The following FBXO8 variants were observed in gnomAD, a reference collection of about 807,000 sequenced individuals.
FBXO8 encodes F-box only protein 8.
A neutral mutation model predicts 33.4 loss-of-function variants in FBXO8; 15 were observed. That is an observed-to-expected ratio of 0.45 (90% CI 0.30 to 0.69). The LOEUF is 0.69. Among genes scored for constraint, FBXO8 ranks in the 30% least tolerant of loss-of-function variants. The probability of loss-of-function intolerance (pLI) is 0.08; values close to 1 mark genes in which losing one functional copy is unlikely to be tolerated. For synonymous variants in FBXO8, 132 were observed against 131.5 expected (o/e 1.00, Z -0.02); for missense variants, 274 against 380.3 (o/e 0.72, Z 2.32).
At chr4:174,240,427 T>C (rs1736005857) in intron 4 of FBXO8, among the ~76,000 whole-genome samples, 1 of 151,810 alleles carries the variant, frequency 6.6e-6, no homozygotes, top group African/African-American at 2.4e-5. Flanking sequence ...TAAACTATTT[T>C]TAAGCCATAC....
rs1282143126 is a variant in FBXO8, at chr4:174,254,035, G to A, written c.456+5664C>T. On this transcript the variant is annotated intron_variant, in intron 3 of 5. Transcript: ENST00000393674. This position sits in a 1 kb window ranked among gnomAD's most constrained non-coding sequence, Gnocchi z 4.2. ...AAGTAAACAAATGTAAAGGGTTTAA[G>A]TCACAGTTTAGGTTCTCTGTTCCTT... Among the ~76,000 whole-genome samples the A allele has an allele frequency of 6.6e-6, 1 of 152,184 alleles. No individual in the cohort carries two copies. The highest frequency in any genetic ancestry group is 1.5e-5 in the Non-Finnish European group (1 of 68,036).
At chr4:174,276,183 A>G (rs1736956443) in intron 1 of FBXO8, among the ~76,000 whole-genome samples, 1 of 152,180 alleles carries the variant, frequency 6.6e-6, no homozygotes, top group African/African-American at 2.4e-5. Context: ...AAATAACAAT[A>G]GCAATATTAA....
rs1736135380 is a variant in FBXO8, at chr4:174,245,287, T to A, written c.457-4069A>T. On this transcript the variant is annotated intron_variant, in intron 3 of 5. Transcript: ENST00000393674. This position sits in a 1 kb window ranked among gnomAD's most constrained non-coding sequence, Gnocchi z 4.6. ...GAAAAGTAAGTGTTTCAGAGTTCAATGAAAGGAAAAGTCACTATGGGATAG... is the reference window on the plus strand; with the variant it reads ...GAAAAGTAAGTGTTTCAGAGTTCAAAGAAAGGAAAAGTCACTATGGGATAG... Among the ~76,000 whole-genome samples the A allele has an allele frequency of 6.6e-6, 1 of 151,726 alleles. No individual in the cohort carries two copies. Among genetic ancestry groups the A allele is most frequent in the Non-Finnish European group, 1.5e-5 (1 of 67,784 alleles).
At chr4:174,280,150 A>G (rs1239115594) in intron 1 of FBXO8, among the ~76,000 whole-genome samples, 1 of 152,172 alleles carries the variant, frequency 6.6e-6, no homozygotes, top group Non-Finnish European at 1.5e-5. Flanking sequence ...CAACAATAAC[A>G]AAAACATGAT....
intron 5 of FBXO8, among the ~76,000 whole-genome samples, chr4:174,238,017 A>C (rs553980263): frequency 1.3e-5 from 2 of 152,176 alleles, no homozygotes; most frequent in African/African-American, 4.8e-5. Flanking sequence ...TCTTTCTAAA[A>C]AAAAATTTAT....
At position 174,249,236 on chromosome 4, in the gene FBXO8, T is replaced by C. The variant is rs185947426; in HGVS notation, c.457-8018A>G. ...TAAATGTAACAATCATTATTGTAAT[T>C]ATTATCAAAAAAGTTGCTGCTAGTT... On this transcript the variant is annotated intron_variant, in intron 3 of 5. Coordinates refer to ENST00000393674, the MANE Select transcript of FBXO8 (RefSeq NM_012180.3). 1.7e-3 allele frequency among the ~76,000 whole-genome samples: 264 copies of C among 152,134 alleles called. 2 individuals carry two copies. The highest frequency in any genetic ancestry group is 5.8e-3 in the African/African-American group (242 of 41,538).
rs148631457 is a variant in FBXO8 at position 174,240,506 on chromosome 4, C to T, written c.575+594G>A. Among the ~76,000 whole-genome samples the T allele has an allele frequency of 6.2e-3, 935 of 151,674 alleles. 10 individuals carry two copies. Among genetic ancestry groups the T allele is most frequent in the African/African-American group, 0.022 (897 of 41,444 alleles). ...GTTATGTGGCATCAAAATGTTGTCC[C>T]CAAATTTATGTTCTTTAATAATCAA... is the stretch of plus-strand genomic sequence containing the variant. On this transcript the variant is annotated intron_variant, in intron 4 of 5. Coordinates refer to ENST00000393674, the MANE Select transcript of FBXO8 (RefSeq NM_012180.3).
rs776610940 is a variant in FBXO8 at position 174,253,591 on chromosome 4, C to T, written c.456+6108G>A. Among the ~76,000 whole-genome samples, 13 of 152,240 alleles carry T rather than the reference C, an allele frequency of 8.5e-5. No individual in the cohort carries two copies. Among genetic ancestry groups the T allele is most frequent in the South Asian group, 2.1e-4 (1 of 4,816 alleles). On this transcript the variant is annotated intron_variant, in intron 3 of 5. Coordinates refer to ENST00000393674, the MANE Select transcript of FBXO8 (RefSeq NM_012180.3). This position sits in a 1 kb window ranked among gnomAD's most constrained non-coding sequence, Gnocchi z 4.5. ...TTAAGTGTATCACTAGTTAAAATGG[C>T]GTTACAGATGCTTGGATGCCTTAAC...
At chr4:174,260,341 T>C (rs1736524033) in intron 2 of FBXO8, among the ~76,000 whole-genome samples, 1 of 152,018 alleles carries the variant, frequency 6.6e-6, no homozygotes, top group African/African-American at 2.4e-5. Context: ...TAAATAGGGT[T>C]TATTAACTAA....
rs1048017605 is a variant in FBXO8 at position 174,241,604 on chromosome 4, A to G, written c.457-386T>C. Among the ~76,000 whole-genome samples, 2 of 151,580 alleles carry G rather than the reference A, an allele frequency of 1.3e-5. No homozygotes were observed. Among genetic ancestry groups the G allele is most frequent in the Non-Finnish European group, 3.0e-5 (2 of 67,578 alleles). On this transcript the variant is annotated intron_variant, in intron 3 of 5. Coordinates refer to ENST00000393674, the MANE Select transcript of FBXO8 (RefSeq NM_012180.3). The surrounding 1 kb of genome is among the most constrained non-coding windows in gnomAD (Gnocchi z 4.2). Reference sequence around the variant, plus strand: ...TCTAATACAAAACATGATTTCTTAAAGCTCACATATATATTGCAGTATGCC... The same window carrying G: ...TCTAATACAAAACATGATTTCTTAAGGCTCACATATATATTGCAGTATGCC...
chr4:174,262,713 C>A lies in FBXO8; in HGVS notation c.329+51G>T. ...ATACATTATAAAAAGAACATTGAAG[C>A]ATGATTATGTTTAGAGATACCTGAA... On this transcript the variant is annotated intron_variant, in intron 2 of 5. Transcript: ENST00000393674. This position sits in a 1 kb window ranked among gnomAD's most constrained non-coding sequence, Gnocchi z 4.6. 6.8e-7 allele frequency: 1 copy of A among 1,464,772 alleles called. No homozygotes were observed. Among genetic ancestry groups the A allele is most frequent in the Non-Finnish European group, 9.5e-7 (1 of 1,057,038 alleles). The allele number at this position is 1,464,772 out of a possible 1,614,324, so 90.7% of individuals were successfully genotyped here.
At chr4:174,268,737 G>A (rs1209203369) in intron 1 of FBXO8, among the ~76,000 whole-genome samples, 2 of 152,016 alleles carry the variant, frequency 1.3e-5, no homozygotes, top group African/African-American at 2.4e-5. Context: ...CGCCCGGCCG[G>A]GGGCCGTTTT....
In FBXO8 at chr4:174,251,687, T is replaced by C. The variant is rs1560868401; in HGVS notation, c.456+8012A>G. On this transcript the variant is annotated intron_variant, in intron 3 of 5. Coordinates refer to ENST00000393674, the MANE Select transcript of FBXO8 (RefSeq NM_012180.3). This position sits in a 1 kb window ranked among gnomAD's most constrained non-coding sequence, Gnocchi z 4.2. ...CTCCAGTTTAGCACCATTTGACTAATTGTAGCTAGTCGCTTGAAGGTATTA... is the reference window on the plus strand; with the variant it reads ...CTCCAGTTTAGCACCATTTGACTAACTGTAGCTAGTCGCTTGAAGGTATTA... Among the ~76,000 whole-genome samples the C allele has an allele frequency of 1.3e-5, 2 of 152,146 alleles. No individual in the cohort carries two copies. Among genetic ancestry groups the C allele is most frequent in the Admixed American group, 6.5e-5 (1 of 15,272 alleles).
intron 5 of FBXO8, 35 bp downstream of exon 5, chr4:174,238,959 A>AG: frequency 2.4e-6 from 3 of 1,255,716 alleles, no homozygotes; most frequent in Non-Finnish European, 3.2e-6. Context: ...AAAGATGGGC[A>AG]GGGGGTGATG....
intron 5 of FBXO8, among the ~76,000 whole-genome samples, chr4:174,238,052 T>A (rs1431292415): frequency 6.6e-6 from 1 of 152,026 alleles, no homozygotes; most frequent in African/African-American, 2.4e-5. Flanking sequence ...TAAAAACCTA[T>A]TTTAATTTGA....
At position 174,272,460 on chromosome 4, in the gene FBXO8, C is replaced by T. The variant is rs1324513462; in HGVS notation, c.-8-9360G>A. On this transcript the variant is annotated intron_variant, in intron 1 of 5. Coordinates refer to ENST00000393674, the MANE Select transcript of FBXO8 (RefSeq NM_012180.3). This position sits in a 1 kb window ranked among gnomAD's most constrained non-coding sequence, Gnocchi z 4.7. Reference sequence around the variant, plus strand: ...CTTTCTATTTTTTTCCAAATAGTTTCAATTGTGGTTGGATGACACTGGATG... The same window carrying T: ...CTTTCTATTTTTTTCCAAATAGTTTTAATTGTGGTTGGATGACACTGGATG... 1.3e-5 allele frequency among the ~76,000 whole-genome samples: 2 copies of T among 152,062 alleles called. No individual in the cohort carries two copies. Among genetic ancestry groups the T allele is most frequent in the Admixed American group, 6.5e-5 (1 of 15,274 alleles).
intron 1 of FBXO8, chr4:174,269,015 A>T (rs1447964172): frequency 6.6e-6 from 1 of 152,258 alleles, no homozygotes; most frequent in Admixed American, 6.5e-5. Context: ...TAAATAATGA[A>T]GATCAACTGT....
chr4:174,279,470 TATA>T (rs1737025597), intron 1 of FBXO8, among the ~76,000 whole-genome samples: 1 of 152,062 alleles, frequency 6.6e-6, no homozygotes, highest in Non-Finnish European at 1.5e-5. Flanking sequence ...CTGCCAAAAT[TATA>T]ATGACGTTTT....
intron 1 of FBXO8, among the ~76,000 whole-genome samples, chr4:174,269,679 A>G (rs4695774): frequency 0.41 from 41,291 of 100,386 alleles, 6,195 homozygotes; most frequent in Non-Finnish European, 0.5. Context: ...GACTCGTCTC[A>G]AAAAAAAAAA....
Sources: allele counts gnomAD v4.1 joint callset (sites outside exome capture counted in the v4.1 genomes callset), GRCh38; gene constraint gnomAD v4.1.1; non-coding constraint Gnocchi (gnomAD v3.1); transcripts MANE v1.5; gene names NCBI Gene and HGNC (gene_info 2026-07-23, HGNC 2026-07-21).